STK32B: variants seen among roughly 807,000 people sequenced by gnomAD.
STK32B encodes the protein serine/threonine-protein kinase 32B.
In STK32B, 43 loss-of-function variants were observed where a neutral mutation model predicts 52.6. That is an observed-to-expected ratio of 0.82 (90% CI 0.64 to 1.05). The LOEUF (loss-of-function observed/expected upper bound fraction) is 1.05. Among genes scored for constraint, STK32B ranks in the 50% least tolerant of loss-of-function variants. STK32B has a pLI of 0.00. For missense variants in STK32B, 621 were observed against 534.6 expected (o/e 1.16, Z -1.59); for synonymous variants, 238 against 204.3 (o/e 1.17, Z -1.41).
At chr4:5,253,193 G>C (rs1447552333) in intron 3 of STK32B, among the ~76,000 whole-genome samples, 1 of 152,058 alleles carries the variant, frequency 6.6e-6, no homozygotes, top group Non-Finnish European at 1.5e-5. Context: ...CCTGAGTAGA[G>C]CTTACATTGC....
chr4:5,165,005 A>G (rs1156406919), intron 2 of STK32B, among the ~76,000 whole-genome samples: 1 of 152,228 alleles, frequency 6.6e-6, no homozygotes, highest in Non-Finnish European at 1.5e-5. Context: ...GCCCCACTCA[A>G]TCTGCAAGAG....
intron 4 of STK32B, among the ~76,000 whole-genome samples, chr4:5,363,958 AG>A (rs1241817219): frequency 6.6e-6 from 1 of 152,170 alleles, no homozygotes; most frequent in Non-Finnish European, 1.5e-5. Context: ...CCTACTAAGT[AG>A]GTTAAGGTTC....
At chr4:5,143,103 C>CTG (rs1179265346) in intron 2 of STK32B, among the ~76,000 whole-genome samples, 1 of 131,888 alleles carries the variant, frequency 7.6e-6, no homozygotes, top group Non-Finnish European at 1.6e-5. Context: ...GTCTCTGTCT[C>CTG]TGTCTGTCTG....
rs779338275 is a variant in STK32B, at chr4:5,499,056, C to T, written c.1218C>T (p.His406=). The part of the protein sequence containing the change: ...QDGCNNNLLT[H]TCTRGCSS The stretch of plus-strand genomic sequence containing the variant: ...GGTGCAACAACAACCTCCTCACCCA[C>T]ACCTGCACCCGTGGCTGCAGCAGCT... Residue 406 remains histidine (H), a synonymous_variant, in exon 12 of 12, where the codon CAC becomes CAT. Coordinates refer to ENST00000282908, the MANE Select transcript of STK32B (RefSeq NM_018401.3). The T allele has an allele frequency of 9.3e-6, 15 of 1,612,796 alleles. No individual in the cohort carries two copies. The highest frequency in any genetic ancestry group is 5.3e-5 in the African/African-American group (4 of 74,886).
intron 4 of STK32B, among the ~76,000 whole-genome samples, chr4:5,363,604 A>G (rs535919644): frequency 1.3e-4 from 20 of 152,228 alleles, no homozygotes; most frequent in Non-Finnish European, 2.6e-4. Flanking sequence ...TTAGGCCACA[A>G]TAGAATGACT....
chr4:5,135,073 G>A (rs939676438), intron 1 of STK32B, among the ~76,000 whole-genome samples: 1 of 152,178 alleles, frequency 6.6e-6, no homozygotes. Flanking sequence ...TAACTAATTA[G>A]CACTAATACA....
At chr4:5,427,965 T>C (rs982661127) in intron 6 of STK32B, among the ~76,000 whole-genome samples, 1 of 151,932 alleles carries the variant, frequency 6.6e-6, no homozygotes, top group Non-Finnish European at 1.5e-5. Flanking sequence ...ATTCTTCTTA[T>C]TCTAGTCTCT....
chr4:5,205,412 T>G (rs722867), intron 3 of STK32B, among the ~76,000 whole-genome samples: 10,412 of 152,220 alleles, frequency 0.068, 443 homozygotes, highest in Middle Eastern at 0.11. Flanking sequence ...GGACCCTAAC[T>G]AATACACCTC....
rs536396042 is a variant in STK32B, at chr4:5,315,819, C to T, written c.261-15401C>T. ...TCCTGGGTTCAAGCTATTCTCCTGCCTCAGCCTCCTGAGTAGCTGGAATTA... is the reference window on the plus strand; with the variant it reads ...TCCTGGGTTCAAGCTATTCTCCTGCTTCAGCCTCCTGAGTAGCTGGAATTA... On this transcript the variant is annotated intron_variant, in intron 3 of 11. Transcript: ENST00000282908. 4.0e-5 allele frequency among the ~76,000 whole-genome samples: 6 copies of T among 151,474 alleles called. 1 individual carries two copies. The highest frequency in any genetic ancestry group is 1.5e-4 in the African/African-American group (6 of 41,352).
At chr4:5,243,010 G>C (rs527843400) in intron 3 of STK32B, among the ~76,000 whole-genome samples, 2 of 152,124 alleles carry the variant, frequency 1.3e-5, no homozygotes, top group Non-Finnish European at 2.9e-5. Flanking sequence ...GTCAGGTAGC[G>C]TGATGCCTCC....
chr4:5,352,467 G>T (rs1733887652), intron 4 of STK32B, among the ~76,000 whole-genome samples: 1 of 151,910 alleles, frequency 6.6e-6, no homozygotes, highest in Admixed American at 6.6e-5. Flanking sequence ...GGCCATATGT[G>T]ACAAAACCCC....
At chr4:5,173,527 G>A (rs1719567587) in intron 3 of STK32B, among the ~76,000 whole-genome samples, 6 of 152,108 alleles carry the variant, frequency 3.9e-5, no homozygotes, top group Admixed American at 3.9e-4. Context: ...TGGTTTCAAA[G>A]AACATCTTTA....
At chr4:5,327,371 A>C (rs2108948333) in intron 3 of STK32B, among the ~76,000 whole-genome samples, 1 of 151,262 alleles carries the variant, frequency 6.6e-6, no homozygotes, top group Admixed American at 6.6e-5. Flanking sequence ...AGATCCATCA[A>C]AGCAATCACT....
intron 4 of STK32B, among the ~76,000 whole-genome samples, chr4:5,346,737 G>A (rs1057469666): frequency 6.6e-6 from 1 of 152,160 alleles, no homozygotes; most frequent in Non-Finnish European, 1.5e-5. Flanking sequence ...TTGAGGGATT[G>A]AATAAGCTGA....
chr4:5,113,895 A>G (rs564547341), intron 1 of STK32B, among the ~76,000 whole-genome samples: 2 of 149,770 alleles, frequency 1.3e-5, no homozygotes, highest in Non-Finnish European at 3.0e-5. Context: ...GGTGGCAGGC[A>G]AAAAGAAAGA....
At chr4:5,408,748 C>T (rs1179478460) in intron 5 of STK32B, among the ~76,000 whole-genome samples, 1 of 152,110 alleles carries the variant, frequency 6.6e-6, no homozygotes, top group East Asian at 1.9e-4. Context: ...GACCTAGCCC[C>T]TGTCTTCATG....
chr4:5,034,103 G>A, the STK32B span, among the ~76,000 whole-genome samples: 1 of 152,158 alleles, frequency 6.6e-6, no homozygotes, highest in East Asian at 1.9e-4. Context: ...TTCCAGGCGG[G>A]GACATAGATT....
chr4:5,093,638 A>C (rs1713221857), intron 1 of STK32B, among the ~76,000 whole-genome samples: 1 of 152,168 alleles, frequency 6.6e-6, no homozygotes, highest in Non-Finnish European at 1.5e-5. Flanking sequence ...GGTGCAACAC[A>C]CCAACATGGC....
At chr4:5,039,400 A>T in the STK32B span, among the ~76,000 whole-genome samples, 1 of 152,190 alleles carries the variant, frequency 6.6e-6, no homozygotes, top group African/African-American at 2.4e-5. Context: ...ACATTAGCCT[A>T]GGTCTCACAG....
Sources: gnomAD v4.1 joint callset for allele counts (sites outside exome capture counted in the v4.1 genomes callset) on GRCh38, gnomAD v4.1.1 for gene constraint, MANE v1.5 for transcripts, NCBI Gene and HGNC (gene_info 2026-07-23, HGNC 2026-07-21) for gene names.